Variants in ANK2 observed in about 807,000 individuals in gnomAD.
ANK2 encodes ankyrin 2.
A neutral mutation model predicts 360.5 loss-of-function variants in ANK2; 83 were observed. That is an observed-to-expected ratio of 0.23 (90% CI 0.19 to 0.28). The LOEUF is 0.28. ANK2 is among the 10% of genes least tolerant of loss of function. The probability of loss-of-function intolerance (pLI) is 1.00; values close to 1 mark genes in which losing one functional copy is unlikely to be tolerated. For missense variants in ANK2, 4,201 were observed against 4,795.7 expected, an observed-to-expected ratio of 0.88 and a Z score of 3.66; for synonymous variants, 1,740 against 1,759.5, an observed-to-expected ratio of 0.99 and a Z score of 0.28.
the ANK2 span, among the ~76,000 whole-genome samples, chr4:112,780,279 C>T: frequency 6.6e-6 from 1 of 151,974 alleles, no homozygotes; most frequent in African/African-American, 2.4e-5. Flanking sequence ...TTTGCTTGTG[C>T]ATCTCCAGTC....
intron 5 of ANK2, among the ~76,000 whole-genome samples, chr4:113,233,374 A>G (rs1027642152): frequency 1.3e-5 from 2 of 151,128 alleles, no homozygotes; most frequent in Admixed American, 6.6e-5. Flanking sequence ...TGACCTCGTG[A>G]TCCGCCCGCC....
At chr4:112,947,096 A>G (rs902241030) in intron 2 of ANK2, among the ~76,000 whole-genome samples, 8 of 152,222 alleles carry the variant, frequency 5.3e-5, no homozygotes, top group Admixed American at 5.2e-4. Context: ...TGTTGGGTCC[A>G]TATTTTCTTC....
At chr4:113,109,784 CA>C (rs2154364919) in intron 1 of ANK2, among the ~76,000 whole-genome samples, 1 of 152,160 alleles carries the variant, frequency 6.6e-6, no homozygotes, top group East Asian at 1.9e-4. Context: ...TTTGTTTCAG[CA>C]GTAGTGTTTG....
At chr4:112,739,036 A>C in the ANK2 span, 2 of 594,168 alleles carry the variant, frequency 3.4e-6, no homozygotes, top group Non-Finnish European at 6.3e-6. Context: ...GCCATCATGG[A>C]AAGTTCTGTC....
intron 1 of ANK2, among the ~76,000 whole-genome samples, chr4:112,832,297 C>A (rs1042101400): frequency 2.0e-5 from 3 of 152,192 alleles, no homozygotes; most frequent in Admixed American, 2.0e-4. Flanking sequence ...AAGTGATCCG[C>A]CTCCCTTGGC....
At chr4:113,245,007 G>A (rs979285375) in intron 9 of ANK2, among the ~76,000 whole-genome samples, 4 of 152,106 alleles carry the variant, frequency 2.6e-5, no homozygotes, top group Admixed American at 2.0e-4. Context: ...TCTTTATCCA[G>A]TCTATCATTG....
At chr4:112,916,352 A>G (rs2089833203) in intron 2 of ANK2, among the ~76,000 whole-genome samples, 1 of 152,224 alleles carries the variant, frequency 6.6e-6, no homozygotes, top group Admixed American at 6.5e-5. Context: ...GAGCAGGACT[A>G]TGAGCCTCAG....
intron 2 of ANK2, among the ~76,000 whole-genome samples, chr4:112,973,752 G>A (rs1449856633): frequency 6.6e-6 from 1 of 152,174 alleles, no homozygotes; most frequent in East Asian, 1.9e-4. Flanking sequence ...TTTGGGTGAT[G>A]GGTTGTGTAA....
At chr4:112,950,936 G>A (rs2094922192) in intron 2 of ANK2, among the ~76,000 whole-genome samples, 1 of 151,130 alleles carries the variant, frequency 6.6e-6, no homozygotes, top group Non-Finnish European at 1.5e-5. Flanking sequence ...CAAAAAATTA[G>A]CCGGGCGTAG....
In ANK2 at chr4:112,944,564, C is replaced by T. The variant is rs115487680; in HGVS notation, c.21+40050C>T. On this transcript the variant is annotated intron_variant, in intron 2 of 30. Transcript: ENST00000503271. Reference sequence around the variant, plus strand: ...TAACCCTAATTTTGTCTTTTATGTCCATATTCTCCTCTGTCCCACCCCCCT... The same window carrying T: ...TAACCCTAATTTTGTCTTTTATGTCTATATTCTCCTCTGTCCCACCCCCCT... Among the ~76,000 whole-genome samples the T allele has an allele frequency of 3.7e-4, 57 of 152,202 alleles. 1 individual carries two copies. The highest frequency in any genetic ancestry group is 1.3e-3 in the African/African-American group (55 of 41,542).
intron 16 of ANK2, 39 bp from the exon 17 acceptor site, chr4:113,278,421 T>C: frequency 6.3e-7 from 1 of 1,589,776 alleles, no homozygotes; most frequent in South Asian, 1.1e-5. Flanking sequence ...CAGCTAACCC[T>C]AATTTATTAA....
chr4:113,300,634 A>G (rs1465139014), intron 22 of ANK2, among the ~76,000 whole-genome samples: 2 of 152,192 alleles, frequency 1.3e-5, no homozygotes, highest in East Asian at 3.8e-4. Context: ...GGATCAGGGA[A>G]TGTTTCTCCA....
In ANK2 at chr4:113,354,761, A is replaced by G. The variant is rs201628725; in HGVS notation, c.6143A>G (p.Gln2048Arg). The change falls in exon 38 of 46, where the codon CAG (glutamine) becomes CGG (arginine). Residue 2048 changes from glutamine to arginine, a missense_variant. Physicochemically the swap from Gln to Arg is conservative, Grantham distance 43. This residue lies in a region of ANK2 where 2,642 missense variants were observed against 2,714.5 expected (regional missense o/e 0.97). Coordinates refer to ENST00000357077, the MANE Select transcript of ANK2 (RefSeq NM_001148.6). ...TQREAQKTEN[Q>R]TIKRGQRLPV... ...AGAGAAGCTCAGAAAACAGAGAATC[A>G]GACAATCAAACGAGGCCAGAGACTC... 5.0e-5 allele frequency: 81 copies of G among 1,613,810 alleles called. No homozygotes were observed. The highest frequency in any genetic ancestry group is 1.6e-4 in the Middle Eastern group (1 of 6,074).
At chr4:112,870,552 C>A (rs560887118) in intron 1 of ANK2, among the ~76,000 whole-genome samples, 48 of 152,274 alleles carry the variant, frequency 3.2e-4, no homozygotes, top group Non-Finnish European at 5.4e-4. Context: ...AACACTATTC[C>A]TTGGAAAGAT....
At chr4:112,826,652 C>T in intron 1 of ANK2, 1 of 1,012,568 alleles carries the variant, frequency 9.9e-7, no homozygotes, top group Non-Finnish European at 1.5e-6. Context: ...AACGGGTGAC[C>T]ACACTTACAC....
At chr4:112,851,127 T>C (rs939098829) in intron 1 of ANK2, among the ~76,000 whole-genome samples, 3 of 152,122 alleles carry the variant, frequency 2.0e-5, no homozygotes, top group Non-Finnish European at 4.4e-5. Context: ...TCATTAATAA[T>C]AGAGCTGAAA....
At chr4:113,188,208 G>A (rs1002957094) in intron 2 of ANK2, among the ~76,000 whole-genome samples, 14 of 152,104 alleles carry the variant, frequency 9.2e-5, no homozygotes, top group African/African-American at 3.1e-4. Context: ...GTAGATGGAC[G>A]GACAAATTCT....
chr4:112,957,027 T>G (rs2095367990), intron 2 of ANK2, among the ~76,000 whole-genome samples: 2 of 148,442 alleles, frequency 1.3e-5, no homozygotes, highest in Admixed American at 6.7e-5. Flanking sequence ...TTTTTTTTTT[T>G]TTTTTAATTG....
intron 1 of ANK2, among the ~76,000 whole-genome samples, chr4:113,165,438 C>T (rs2097717291): frequency 6.6e-6 from 1 of 152,146 alleles, no homozygotes; most frequent in Non-Finnish European, 1.5e-5. Flanking sequence ...GGCAAATTAT[C>T]TGGAAACCAT....
Sources: allele counts gnomAD v4.1 joint callset (sites outside exome capture counted in the v4.1 genomes callset), GRCh38; gene constraint gnomAD v4.1.1; regional missense constraint gnomAD v4.1.1; transcripts MANE v1.5; gene names NCBI Gene and HGNC (gene_info 2026-07-23, HGNC 2026-07-21).